The following TRIM37 variants were observed in gnomAD, a reference collection of about 807,000 sequenced individuals.
TRIM37 encodes E3 ubiquitin-protein ligase TRIM37.
Under a neutral mutation model 129.8 loss-of-function variants are expected in TRIM37, and 80 were observed. The ratio of observed to expected loss-of-function variants is 0.62; its 90% CI spans 0.51 to 0.74. The LOEUF is 0.74. TRIM37 is among the 30% of genes least tolerant of loss of function. The pLI is 0.00. For missense variants in TRIM37, 1,054 were observed against 1,176.5 expected (o/e 0.90, Z 1.52); for synonymous variants, 389 against 387.1 (o/e 1.00, Z -0.06).
intron 24 of TRIM37, among the ~76,000 whole-genome samples, chr17:58,991,882 G>C (rs2032443342): frequency 6.6e-6 from 1 of 152,092 alleles, no homozygotes; most frequent in Non-Finnish European, 1.5e-5. Flanking sequence ...CTTACCATAT[G>C]ACTCAGTGCA....
chr17:58,990,178 CAAAAAAAAAAAAAAAAAA>C (rs35076409), intron 24 of TRIM37, among the ~76,000 whole-genome samples: 3 of 25,596 alleles, frequency 1.2e-4, no homozygotes, highest in African/African-American at 1.7e-4. Flanking sequence ...GACCTTGTCT[CAAAAAAAAAAAAAAAAAA>C]AAAAAAAAAA....
chr17:59,071,265 A>G (rs1664874341), intron 8 of TRIM37, among the ~76,000 whole-genome samples: 1 of 151,718 alleles, frequency 6.6e-6, no homozygotes, highest in South Asian at 2.1e-4. Context: ...ATTAATGAAC[A>G]AACCGGTAAG....
chr17:58,972,355 C>G, the TRIM37 span: 1 of 968,380 alleles, frequency 1.0e-6, no homozygotes, highest in Middle Eastern at 3.6e-4. Context: ...GATTCACTTA[C>G]TTTTTTTTTT....
In TRIM37 at chr17:59,056,889, A is replaced by G. The variant is rs1467632346; in HGVS notation, c.1185T>C (p.Asp395=). 6.2e-7 allele frequency: 1 copy of G among 1,613,712 alleles called. No homozygotes were observed. Among genetic ancestry groups the G allele is most frequent in the Non-Finnish European group, 8.5e-7 (1 of 1,179,906 alleles). Residue 395 remains aspartate, a synonymous_variant, in exon 13 of 24, where the codon GAT becomes GAC. Transcript: ENST00000262294. ...ANEGYLNPQN[D]TVILRFQVRS... ...TTTCCTGTTACCTTAAAATCACTGT[A>G]TCATTTTGTGGATTCAAGTATCCTT...
At chr17:59,064,875 C>T (rs2041803220) in intron 9 of TRIM37, among the ~76,000 whole-genome samples, 1 of 152,084 alleles carries the variant, frequency 6.6e-6, no homozygotes, top group African/African-American at 2.4e-5. Flanking sequence ...TGCACTACCA[C>T]ACATCTCTAT....
At chr17:59,088,024 T>C (rs2043930185) in intron 4 of TRIM37, 3 of 587,568 alleles carry the variant, frequency 5.1e-6, no homozygotes, top group Admixed American at 6.1e-5. Context: ...TACCTTTGTA[T>C]GCCTATCATC....
the TRIM37 span, chr17:58,969,872 T>A: frequency 1.3e-6 from 1 of 774,740 alleles, no homozygotes; most frequent in East Asian, 2.7e-5. Flanking sequence ...TGGATTCTGT[T>A]GTAGTTCCAA....
chr17:58,983,151 G>A (rs955494713), intron 24 of TRIM37: 2 of 458,152 alleles, frequency 4.4e-6, no homozygotes, highest in Admixed American at 3.6e-5. Context: ...CATCTTTAGG[G>A]GTCTGGATTT....
chr17:59,000,971 G>T (rs548263542), intron 23 of TRIM37, among the ~76,000 whole-genome samples: 1 of 152,014 alleles, frequency 6.6e-6, no homozygotes, highest in Non-Finnish European at 1.5e-5. Context: ...AAGGCAGGTG[G>T]ATCACGAGGT....
chr17:59,006,364 A>AT (rs1218900208), intron 22 of TRIM37, among the ~76,000 whole-genome samples: 2 of 152,196 alleles, frequency 1.3e-5, no homozygotes, highest in Non-Finnish European at 2.9e-5. Flanking sequence ...AGCACCTACT[A>AT]TGTATGTGCT....
Position 59,029,245 on chromosome 17 carries a change from T to C in TRIM37, c.1949-522A>G, listed in dbSNP as rs778739763. 4.6e-5 allele frequency among the ~76,000 whole-genome samples: 7 copies of C among 152,180 alleles called. No homozygotes were observed. The East Asian group carries it at 7.8e-4, about 17-fold the overall frequency. The stretch of plus-strand genomic sequence containing the variant: ...AAGTTCAAGATCAGCCAGGGGAGCA[T>C]AGTGACACCCTATCTGTACAAAAAA... On this transcript the variant is annotated intron_variant, in intron 18 of 23. Coordinates refer to ENST00000262294, the MANE Select transcript of TRIM37 (RefSeq NM_015294.6).
At chr17:59,022,470 A>G (rs1395509884) in intron 19 of TRIM37, among the ~76,000 whole-genome samples, 1 of 152,232 alleles carries the variant, frequency 6.6e-6, no homozygotes, top group Non-Finnish European at 1.5e-5. Flanking sequence ...GCAGTTTGGT[A>G]TTAGGGTGAA....
chr17:58,973,953 A>T, the TRIM37 span, among the ~76,000 whole-genome samples: 1 of 888 alleles, frequency 1.1e-3, no homozygotes, highest in Non-Finnish European at 4.4e-3. Flanking sequence ...CTCCATCTCA[A>T]AAAAAAAAAA....
At chr17:58,995,777 G>A (rs114841797), downstream of TRIM37, among the ~76,000 whole-genome samples, 3 of 152,116 alleles carry the variant, frequency 2.0e-5, no homozygotes, top group South Asian at 6.2e-4. Flanking sequence ...TGCCTCTATC[G>A]CAGCACTTTT....
At chr17:59,105,063 G>C (rs1462996358) in intron 1 of TRIM37, among the ~76,000 whole-genome samples, 2 of 144,714 alleles carry the variant, frequency 1.4e-5, no homozygotes, top group Non-Finnish European at 3.0e-5. Flanking sequence ...CTGCACTCTA[G>C]CCTGGGTGAC....
At chr17:59,090,915 C>G (rs1292895052) in intron 3 of TRIM37, among the ~76,000 whole-genome samples, 2 of 152,112 alleles carry the variant, frequency 1.3e-5, no homozygotes, top group East Asian at 3.8e-4. Flanking sequence ...TATGAGCGAG[C>G]CACTGTGCCC....
chr17:59,097,100 A>G (rs1198162030), intron 2 of TRIM37, among the ~76,000 whole-genome samples: 1 of 152,188 alleles, frequency 6.6e-6, no homozygotes. Context: ...CAATAGAAAT[A>G]GAAGGGAACT....
In TRIM37 at chr17:59,030,169, G is replaced by A. The variant is rs535951414; in HGVS notation, c.1949-1446C>T. 8.2e-4 allele frequency among the ~76,000 whole-genome samples: 125 copies of A among 151,842 alleles called. 1 individual carries two copies. Among genetic ancestry groups the A allele is most frequent in the East Asian group, 3.3e-3 (17 of 5,148 alleles). On this transcript the variant is annotated intron_variant, in intron 18 of 23. Coordinates refer to ENST00000262294, the MANE Select transcript of TRIM37 (RefSeq NM_015294.6). ...TGCCCAGGCTGGAGTGCAATGGCACGATCTCGGCTCACTGCAACCTCCGAC... is the reference window on the plus strand; with the variant it reads ...TGCCCAGGCTGGAGTGCAATGGCACAATCTCGGCTCACTGCAACCTCCGAC...
the TRIM37 span, chr17:58,972,406 A>G: frequency 9.9e-7 from 1 of 1,008,158 alleles, no homozygotes; most frequent in Admixed American, 2.8e-5. Context: ...GCTGGAGTGC[A>G]ATGGTGTGAT....
Sources: gnomAD v4.1 joint callset for allele counts (sites outside exome capture counted in the v4.1 genomes callset) on GRCh38, gnomAD v4.1.1 for gene constraint, MANE v1.5 for transcripts, NCBI Gene and HGNC (gene_info 2026-07-23, HGNC 2026-07-21) for gene names.